Variants in SLC12A7 observed in about 807,000 individuals in gnomAD.
SLC12A7 encodes K-Cl cotransporter 4.
SLC12A7 carries 100 observed loss-of-function variants against 120.6 expected under a neutral mutation model. The ratio of observed to expected loss-of-function variants is 0.83; its 90% CI spans 0.71 to 0.98. The LOEUF (loss-of-function observed/expected upper bound fraction) is 0.98, where lower values mean the gene tolerates loss of function less well. Among genes scored for constraint, SLC12A7 ranks in the 50% least tolerant of loss-of-function variants. The pLI, the probability that SLC12A7 is intolerant of heterozygous loss-of-function variation, is 0.00. For synonymous variants in SLC12A7, 760 were observed against 678.0 expected, an observed-to-expected ratio of 1.12 and a Z score of -1.88; for missense variants, 1,373 against 1,548.1, an observed-to-expected ratio of 0.89 and a Z score of 1.90.
At chr5:1,106,087 A>C (rs1377965593) in intron 1 of SLC12A7, among the ~76,000 whole-genome samples, 9 of 152,252 alleles carry the variant, frequency 5.9e-5, no homozygotes, top group African/African-American at 2.2e-4. Context: ...CCCAGCCAGG[A>C]ACTGTGGTTA....
the SLC12A7 span, among the ~76,000 whole-genome samples, chr5:1,143,487 C>T: frequency 6.6e-6 from 1 of 152,200 alleles, no homozygotes; most frequent in Non-Finnish European, 1.5e-5. Context: ...TACAAGGACA[C>T]GTCCTATTGG....
chr5:1,080,544 G>A (rs967044915), intron 9 of SLC12A7, among the ~76,000 whole-genome samples: 19 of 152,354 alleles, frequency 1.2e-4, no homozygotes, highest in South Asian at 8.3e-4. Context: ...GGGAGCAGAC[G>A]TGGGAGGGAC....
chr5:1,110,706 G>C (rs529732402), intron 1 of SLC12A7, among the ~76,000 whole-genome samples: 1 of 152,342 alleles, frequency 6.6e-6, no homozygotes, highest in South Asian at 2.1e-4. Flanking sequence ...TTGGACTCAC[G>C]GACCCTGCTT....
At chr5:1,077,187 G>A (rs1248511757) in intron 12 of SLC12A7, among the ~76,000 whole-genome samples, 1 of 152,120 alleles carries the variant, frequency 6.6e-6, no homozygotes, top group Non-Finnish European at 1.5e-5. Flanking sequence ...GAGGCCCACG[G>A]GGCCTGTGTG....
chr5:1,098,737 C>T (rs1484927383), intron 1 of SLC12A7, among the ~76,000 whole-genome samples: 2 of 119,020 alleles, frequency 1.7e-5, no homozygotes, highest in Admixed American at 7.6e-5. Context: ...CCCAGCCCCC[C>T]TCTAACCCTC....
chr5:1,085,089 A>C, intron 7 of SLC12A7, 143 bp downstream of exon 7: 1 of 1,194,604 alleles, frequency 8.4e-7, no homozygotes, highest in Non-Finnish European at 1.2e-6. Flanking sequence ...GAACGAGCCC[A>C]CGGGGGTTCC....
Position 1,081,810 on chromosome 5 carries a change from G to A in SLC12A7, c.1130-66C>T, listed in dbSNP as rs1052600740. ...TGTGCAGTGCCCCCGCCATGGGGCC[G>A]CCCACTCCCCGGCAGGTGCCACTGG... is the stretch of plus-strand genomic sequence containing the variant. On this transcript the variant is annotated intron_variant, in intron 8 of 23. Transcript: ENST00000264930. 1,861 of 1,549,458 alleles carry A rather than the reference G, an allele frequency of 1.2e-3. 5 individuals carry two copies. Among genetic ancestry groups the A allele is most frequent in the Non-Finnish European group, 1.5e-3 (1,727 of 1,137,052 alleles).
intron 20 of SLC12A7, among the ~76,000 whole-genome samples, chr5:1,062,318 G>A (rs929997078): frequency 6.6e-6 from 1 of 152,182 alleles, no homozygotes; most frequent in African/African-American, 2.4e-5. Context: ...TGGAAATAAC[G>A]TTATTCATAC....
At chr5:1,058,782 C>T (rs1579313801) in intron 21 of SLC12A7, among the ~76,000 whole-genome samples, 1 of 152,212 alleles carries the variant, frequency 6.6e-6, no homozygotes, top group South Asian at 2.1e-4. Flanking sequence ...AAACCAGAGC[C>T]CAAGGGCTGC....
At chr5:1,116,593 G>A (rs1743330672), upstream of SLC12A7, among the ~76,000 whole-genome samples, 1 of 152,266 alleles carries the variant, frequency 6.6e-6, no homozygotes, top group Non-Finnish European at 1.5e-5. Context: ...GTTCCCTCTG[G>A]AAGATTCCGT....
the SLC12A7 span, among the ~76,000 whole-genome samples, chr5:1,149,743 T>G: frequency 6.6e-6 from 1 of 151,874 alleles, no homozygotes; most frequent in African/African-American, 2.4e-5. Context: ...GAAATGGCTA[T>G]TCAAGCCGGG....
chr5:1,122,944 C>A, the SLC12A7 span, among the ~76,000 whole-genome samples: 5 of 152,262 alleles, frequency 3.3e-5, no homozygotes, highest in African/African-American at 1.2e-4. Context: ...CGCACAAGCC[C>A]TCTGGGAGGA....
At chr5:1,103,431 TCACATGCACAGAGACATGCATGTGTA>T (rs750930547) in intron 1 of SLC12A7, among the ~76,000 whole-genome samples, 2 of 151,832 alleles carry the variant, frequency 1.3e-5, no homozygotes, top group African/African-American at 4.8e-5. Context: ...AAATATACAC[TCACATGCACAGAGACATGCATGTGTA>T]CACATGCACA....
At chr5:1,133,546 T>C in the SLC12A7 span, among the ~76,000 whole-genome samples, 9 of 152,314 alleles carry the variant, frequency 5.9e-5, no homozygotes, top group South Asian at 1.9e-3. Context: ...CAGTGCTGTC[T>C]GGGGTTGACT....
the SLC12A7 span, among the ~76,000 whole-genome samples, chr5:1,145,556 C>A: frequency 1.4e-4 from 21 of 152,342 alleles, no homozygotes; most frequent in Admixed American, 7.2e-4. This position sits in a 1 kb window ranked among gnomAD's most constrained non-coding sequence, Gnocchi z 4.4. Context: ...CAGGACCAGC[C>A]AGGAAGGGCT....
chr5:1,110,816 C>T lies in SLC12A7; in HGVS notation c.124+1052G>A, dbSNP rs537363852. Among the ~76,000 whole-genome samples, 6 of 152,338 alleles carry T rather than the reference C, an allele frequency of 3.9e-5. No homozygotes were observed. The South Asian group carries it at 1.2e-3, about 32-fold the overall frequency. ...GAGGAAGCTGAGACCACTCTTCGCC[C>T]GCCACGGGGACCCTGATGACGCACC... On this transcript the variant is annotated intron_variant, in intron 1 of 23. Transcript: ENST00000264930.
chr5:1,125,946 C>A, the SLC12A7 span, among the ~76,000 whole-genome samples: 409 of 143,510 alleles, frequency 2.8e-3, 2 homozygotes, highest in African/African-American at 9.9e-3. Context: ...AAAAAAAAGT[C>A]TGTCTGCTTG....
chr5:1,060,505 C>T, intron 20 of SLC12A7, 54 bp from the exon 21 acceptor site: 1 of 1,371,900 alleles, frequency 7.3e-7, no homozygotes, highest in Non-Finnish European at 1.0e-6. Flanking sequence ...CCACGGATGG[C>T]TCCAACACCA....
intron 21 of SLC12A7, among the ~76,000 whole-genome samples, chr5:1,059,437 G>C (rs1486042327): frequency 6.6e-6 from 1 of 152,218 alleles, no homozygotes; most frequent in African/African-American, 2.4e-5. Flanking sequence ...CGTCACTGCA[G>C]TCTCAGAAAA....
Sources: gnomAD v4.1 joint callset for allele counts (sites outside exome capture counted in the v4.1 genomes callset) on GRCh38, gnomAD v4.1.1 for gene constraint, Gnocchi (gnomAD v3.1) non-coding constraint, MANE v1.5 for transcripts, NCBI Gene and HGNC (gene_info 2026-07-23, HGNC 2026-07-21) for gene names.